Variants in GK5 observed in about 807,000 individuals in gnomAD.
The protein encoded by GK5 is ATP:glycerol 3-phosphotransferase 5.
A neutral mutation model predicts 77.3 loss-of-function variants in GK5; 39 were observed. The ratio of observed to expected loss-of-function variants is 0.50; its 90% CI spans 0.39 to 0.66. The LOEUF (loss-of-function observed/expected upper bound fraction) is 0.66. Among genes scored for constraint, GK5 ranks in the 30% least tolerant of loss-of-function variants. The pLI is 0.00. For synonymous variants in GK5, 211 were observed against 208.0 expected (o/e 1.01, Z -0.13); for missense variants, 487 against 633.8 (o/e 0.77, Z 2.49).
rs2063550669 is a variant in GK5 at position 142,172,382 on chromosome 3, T to C, written c.1218A>G (p.Val406=). The C allele has an allele frequency of 1.9e-6, 3 of 1,601,474 alleles. No homozygotes were observed. Among genetic ancestry groups the C allele is most frequent in the East Asian group, 4.5e-5 (2 of 44,690 alleles). The change falls in exon 13 of 16, where the codon GTA becomes GTG. Residue 406 remains valine, a synonymous_variant. Transcript: ENST00000392993. ...LKPSTSKYHL[V]RAILESIAFR... is the part of the protein sequence containing the mutation. ...AAGCTATTGACTCCAATATTGCTCG[T>C]ACAAGATGGTATTTACTGGTAGAAG...
chr3:142,217,354 G>A (rs745359580), intron 1 of GK5, among the ~76,000 whole-genome samples: 66 of 152,038 alleles, frequency 4.3e-4, no homozygotes, highest in Non-Finnish European at 7.5e-4. Context: ...AAAAAGAAAA[G>A]TTTTAGAATT....
intron 5 of GK5, among the ~76,000 whole-genome samples, chr3:142,196,218 T>C (rs1193663656): frequency 1.3e-5 from 2 of 152,112 alleles, no homozygotes; most frequent in African/African-American, 2.4e-5. Flanking sequence ...TTGGGTTTTC[T>C]CTCGTCTTTG....
At chr3:142,209,404 G>GA (rs1205735307) in intron 3 of GK5, among the ~76,000 whole-genome samples, 1 of 152,170 alleles carries the variant, frequency 6.6e-6, no homozygotes, top group East Asian at 1.9e-4. Flanking sequence ...ATCACAAGAT[G>GA]AAAGTGGCAT....
rs949893452 is a variant in GK5 at position 142,157,841 on chromosome 3, T to C, written c.*7781A>G. ...CCTAAATAGGATCTAAAAAGGCAAGTTACCTAAAACCCTTCTTGTCTAACC... is the reference window on the plus strand; with the variant it reads ...CCTAAATAGGATCTAAAAAGGCAAGCTACCTAAAACCCTTCTTGTCTAACC... On this transcript the variant is annotated 3_prime_UTR_variant, in exon 16 of 16. Transcript: ENST00000392993. 8 of 152,186 alleles carry C rather than the reference T, an allele frequency of 5.3e-5. No individual in the cohort carries two copies. The highest frequency in any genetic ancestry group is 1.4e-4 in the African/African-American group (6 of 41,462). 9.4% of individuals were successfully genotyped at this position (152,186 alleles called of 1,614,324 possible). A position where few individuals can be genotyped will look rare whatever the true frequency, so the allele number is the denominator to read the frequency against.
At position 142,198,325 on chromosome 3, in the gene GK5, A is replaced by C. The variant is rs921555630; in HGVS notation, c.543+477T>G. ...AAAGAATTCCACTGATATAAATCAA[A>C]GATATGGCGGGGAGTGGCGGCTCAC... is the stretch of plus-strand genomic sequence containing the variant. On this transcript the variant is annotated intron_variant, in intron 5 of 15. Transcript: ENST00000392993. Among the ~76,000 whole-genome samples the C allele has an allele frequency of 3.9e-5, 6 of 152,172 alleles. No individual in the cohort carries two copies. The South Asian group carries it at 6.2e-4, about 16-fold the overall frequency.
Position 142,225,435 on chromosome 3 carries a change from G to A in GK5, c.21C>T (p.Asp7=), listed in dbSNP as rs143218074. Reference sequence around the variant, plus strand: ...GCGGCTCCTGCGCTCTCTGCTCCGGGTCCGTGAGCAGCCCCGACATCCCGA... The same window carrying A: ...GCGGCTCCTGCGCTCTCTGCTCCGGATCCGTGAGCAGCCCCGACATCCCGA... MSGLLT[D]PEQRAQEPRY... The change falls in exon 1 of 16, where the codon GAC becomes GAT. Residue 7 remains aspartate (D), a synonymous_variant. Coordinates refer to ENST00000392993, the MANE Select transcript of GK5 (RefSeq NM_001039547.3). 1,212 of 1,603,050 alleles carry A rather than the reference G, an allele frequency of 7.6e-4. 5 individuals are homozygous for A. In the African/African-American group the frequency reaches 0.013, roughly 17 times the overall value.
intron 11 of GK5, among the ~76,000 whole-genome samples, chr3:142,179,778 A>G (rs1441837152): frequency 2.0e-5 from 3 of 152,220 alleles, no homozygotes; most frequent in Admixed American, 2.0e-4. Flanking sequence ...AAAGTCTTTC[A>G]GAGTAAGCAC....
intron 3 of GK5, among the ~76,000 whole-genome samples, chr3:142,209,722 G>T (rs1487522856): frequency 6.6e-6 from 1 of 152,144 alleles, no homozygotes; most frequent in African/African-American, 2.4e-5. Context: ...AGTAATTTGT[G>T]TACCTATATA....
chr3:142,172,398 C>T lies in GK5; in HGVS notation c.1202G>A (p.Ser401Asn), dbSNP rs1273045539. The change falls in exon 13 of 16, where the codon AGT (serine) becomes AAT (asparagine). Residue 401 changes from serine to asparagine, a missense_variant. Ser to Asn is a conservative substitution (Grantham distance 46). This residue lies in a region of GK5 where 323 missense variants were observed against 437.4 expected (regional missense o/e 0.74). Coordinates refer to ENST00000392993, the MANE Select transcript of GK5 (RefSeq NM_001039547.3). ...TATTGCTCGTACAAGATGGTATTTA[C>T]TGGTAGAAGGCTTCAAACCCATAAA... ...ASFMGLKPST[S>N]KYHLVRAILE... The T allele has an allele frequency of 6.2e-7, 1 of 1,605,612 alleles. No homozygotes were observed. The highest frequency in any genetic ancestry group is 1.1e-5 in the South Asian group (1 of 89,692).
chr3:142,199,598 A>G (rs2063987643), intron 4 of GK5, among the ~76,000 whole-genome samples: 1 of 152,126 alleles, frequency 6.6e-6, no homozygotes, highest in Non-Finnish European at 1.5e-5. Context: ...ACACAGACAG[A>G]AATTTCCCTA....
rs2063400916 is a variant in GK5, at chr3:142,158,680, G to A, written c.*6942C>T. The A allele has an allele frequency of 6.6e-6, 1 of 152,488 alleles. No homozygotes were observed. Among genetic ancestry groups the A allele is most frequent in the South Asian group, 2.1e-4 (1 of 4,826 alleles). The allele number at this position is 152,488 out of a possible 1,614,324, so 9.4% of individuals were successfully genotyped here. ...TGAATTTACTGAGGCATACAAATTGGAATCTACATTTACCATCTTGTACAA... is the reference window on the plus strand; with the variant it reads ...TGAATTTACTGAGGCATACAAATTGAAATCTACATTTACCATCTTGTACAA... On this transcript the variant is annotated 3_prime_UTR_variant, in exon 16 of 16. Coordinates refer to ENST00000392993, the MANE Select transcript of GK5 (RefSeq NM_001039547.3).
intron 5 of GK5, among the ~76,000 whole-genome samples, chr3:142,188,813 G>T (rs1464897568): frequency 2.6e-5 from 4 of 152,128 alleles, no homozygotes; most frequent in Non-Finnish European, 5.9e-5. Context: ...TACCCCCAAA[G>T]CCTAAAATAT....
At chr3:142,224,242 T>C (rs553534221) in intron 1 of GK5, among the ~76,000 whole-genome samples, 4 of 152,038 alleles carry the variant, frequency 2.6e-5, no homozygotes, top group African/African-American at 7.2e-5. Flanking sequence ...CCCATCTCTA[T>C]TAAAAAATAC....
chr3:142,174,399 T>C (rs978293513), intron 12 of GK5, among the ~76,000 whole-genome samples: 1 of 152,208 alleles, frequency 6.6e-6, no homozygotes, highest in Non-Finnish European at 1.5e-5. Flanking sequence ...TTATATCAGA[T>C]GGTATAGTAT....
chr3:142,159,106 C>T lies in GK5; in HGVS notation c.*6516G>A, dbSNP rs2063403965. ...TCATATCTCACTGCAGCCTCGAACTCCTGGGCTCAAGTGATCCTCCTGCCT... is the reference window on the plus strand; with the variant it reads ...TCATATCTCACTGCAGCCTCGAACTTCTGGGCTCAAGTGATCCTCCTGCCT... On this transcript the variant is annotated 3_prime_UTR_variant, in exon 16 of 16. Transcript: ENST00000392993. 6.6e-6 allele frequency: 1 copy of T among 152,196 alleles called. No individual in the cohort carries two copies. Among genetic ancestry groups the T allele is most frequent in the Non-Finnish European group, 1.5e-5 (1 of 68,038 alleles). The allele number at this position is 152,196 out of a possible 1,614,324, so 9.4% of individuals were successfully genotyped here.
chr3:142,197,235 A>G (rs1180503045), intron 5 of GK5, among the ~76,000 whole-genome samples: 1 of 152,112 alleles, frequency 6.6e-6, no homozygotes, highest in East Asian at 1.9e-4. Flanking sequence ...GTCTCCAACT[A>G]TCACTGCTCA....
rs1345370939 is a variant in GK5, at chr3:142,170,462, TG to T, written c.1308-5del. 1.9e-6 allele frequency: 3 copies of T among 1,603,358 alleles called. No individual in the cohort carries two copies. The South Asian group carries it at 3.3e-5, about 18-fold the overall frequency. ...CTTACAAACTCCTCCATCTGCCCTG[TG>T]GGGAACAAAATATGTAAGATGAATT... On this transcript the variant is annotated splice_polypyrimidine_tract_variant and splice_region_variant and intron_variant, in intron 14 of 15. Coordinates refer to ENST00000392993, the MANE Select transcript of GK5 (RefSeq NM_001039547.3).
At chr3:142,165,925 G>T (rs772262857) in intron 15 of GK5, among the ~76,000 whole-genome samples, 155 bp from the exon 16 acceptor site, 1 of 152,132 alleles carries the variant, frequency 6.6e-6, no homozygotes, top group Non-Finnish European at 1.5e-5. Context: ...TTGTTAGATC[G>T]ATCATTCCTG....
At chr3:142,170,511 T>C in intron 14 of GK5, 53 bp from the exon 15 acceptor site, 9 of 1,453,508 alleles carry the variant, frequency 6.2e-6, no homozygotes, top group Non-Finnish European at 7.5e-6. Context: ...GTATCATTCT[T>C]TTTCAGTGGG....
Sources: allele counts gnomAD v4.1 joint callset (sites outside exome capture counted in the v4.1 genomes callset), GRCh38; gene constraint gnomAD v4.1.1; regional missense constraint gnomAD v4.1.1; transcripts MANE v1.5; gene names NCBI Gene and HGNC (gene_info 2026-07-23, HGNC 2026-07-21).